MYH1: variants seen among roughly 807,000 people sequenced by gnomAD.
The protein encoded by MYH1 is myosin heavy chain 1.
MYH1 carries 214 observed loss-of-function variants against 225.6 expected under a neutral mutation model. The observed-to-expected ratio is 0.95, with a 90% CI of 0.85 to 1.06. The LOEUF (loss-of-function observed/expected upper bound fraction) is 1.06, where lower values mean the gene tolerates loss of function less well. Among genes scored for constraint, MYH1 ranks in the 50% least tolerant of loss-of-function variants. MYH1 has a pLI of 0.00. For missense variants in MYH1, 2,098 were observed against 2,344.2 expected, an observed-to-expected ratio of 0.89 and a Z score of 2.17; for synonymous variants, 774 against 842.3, an observed-to-expected ratio of 0.92 and a Z score of 1.40.
intron 10 of MYH1, 30 bp downstream of exon 10, chr17:10,512,837 C>T: frequency 1.2e-6 from 2 of 1,606,634 alleles, no homozygotes; most frequent in Non-Finnish European, 1.7e-6. Flanking sequence ...AGTACAGTGA[C>T]AATCTTCTAG....
In MYH1 at chr17:10,505,835, G is replaced by A; in HGVS notation, c.2151C>T (p.Ile717=). Residue 717 remains isoleucine (I), a synonymous_variant, in exon 19 of 40, where the codon ATC becomes ATT. Coordinates refer to ENST00000226207, the MANE Select transcript of MYH1 (RefSeq NM_005963.4). ...ACCTCTGTTTGAAGTCTGCATAAAG[G>A]ATTCTGCTTGGGAAGCCTTTCCTGC... ...RICRKGFPSR[I]LYADFKQRYK... is the part of the protein sequence containing the mutation. 6.2e-7 allele frequency: 1 copy of A among 1,613,982 alleles called. No individual in the cohort carries two copies. Among genetic ancestry groups the A allele is most frequent in the South Asian group, 1.1e-5 (1 of 91,066 alleles).
Position 10,496,016 on chromosome 17 carries a change from C to T in MYH1, c.5103G>A (p.Arg1701=), listed in dbSNP as rs780190091. 2.5e-6 allele frequency: 4 copies of T among 1,614,104 alleles called. No individual in the cohort carries two copies. The highest frequency in any genetic ancestry group is 1.6e-4 in the Middle Eastern group (1 of 6,062). The change falls in exon 35 of 40, where the codon AGG becomes AGA. Residue 1701 remains arginine (R), a synonymous_variant. Coordinates refer to ENST00000226207, the MANE Select transcript of MYH1 (RefSeq NM_005963.4). ...ELRATLEQTE[R]SRKIAEQELL... is the part of the protein sequence containing the mutation. The stretch of plus-strand genomic sequence containing the variant: ...GCTCCTGTTCTGCGATTTTCCTGCT[C>T]CTCTCTGTCTGTTCCAGAGTGGCCC...
intron 37 of MYH1, 90 bp from the exon 38 acceptor site, chr17:10,494,763 T>C: frequency 3.8e-6 from 6 of 1,586,688 alleles, no homozygotes; most frequent in East Asian, 2.2e-5. Context: ...CTGCTTTATA[T>C]GTAGTTTTTA....
chr17:10,509,840 C>T (rs1226642230), intron 14 of MYH1, among the ~76,000 whole-genome samples, 185 bp from the exon 15 acceptor site: 2 of 152,096 alleles, frequency 1.3e-5, no homozygotes, highest in East Asian at 3.8e-4. Flanking sequence ...CAACACCTGT[C>T]AACAAGCTCT....
Position 10,516,423 on chromosome 17 carries a change from A to G in MYH1, c.204+16T>C, listed in dbSNP as rs749521140. The stretch of plus-strand genomic sequence containing the variant: ...AATGAGGCAGAGTCTAATCAGCTCC[A>G]GGTGTTTTTACTCACAGCTCCAGCT... On this transcript the variant is annotated intron_variant, in intron 3 of 39. Coordinates refer to ENST00000226207, the MANE Select transcript of MYH1 (RefSeq NM_005963.4). The G allele has an allele frequency of 1.2e-6, 2 of 1,614,120 alleles. No individual in the cohort carries two copies.
chr17:10,495,408 A>G, intron 35 of MYH1, 91 bp from the exon 36 acceptor site: 1 of 1,443,322 alleles, frequency 6.9e-7, no homozygotes, highest in South Asian at 1.3e-5. Flanking sequence ...TAATTAACTA[A>G]ATGAATTCAT....
chr17:10,504,870 C>T lies in MYH1; in HGVS notation c.2631G>A (p.Leu877=). 6.2e-7 allele frequency: 1 copy of T among 1,613,994 alleles called. No individual in the cohort carries two copies. Among genetic ancestry groups the T allele is most frequent in the East Asian group, 2.2e-5 (1 of 44,882 alleles). ...GCATCAGAGTAACCATTTTTTCTTCCAGCTCTTTCCTTTTTGCCTCGGTCT... is the reference window on the plus strand; with the variant it reads ...GCATCAGAGTAACCATTTTTTCTTCTAGCTCTTTCCTTTTTGCCTCGGTCT... ...LAKTEAKRKE[L]EEKMVTLMQE... The change falls in exon 22 of 40, where the codon CTG becomes CTA. Residue 877 remains leucine, a synonymous_variant. Coordinates refer to ENST00000226207, the MANE Select transcript of MYH1 (RefSeq NM_005963.4).
intron 15 of MYH1, among the ~76,000 whole-genome samples, chr17:10,508,959 T>A (rs1161496826): frequency 6.6e-6 from 1 of 152,196 alleles, no homozygotes; most frequent in Non-Finnish European, 1.5e-5. Flanking sequence ...GCAATATTTC[T>A]CCAAGTGTGA....
At chr17:10,502,036 T>C in intron 24 of MYH1, 125 bp from the exon 25 acceptor site, 2 of 967,678 alleles carry the variant, frequency 2.1e-6, no homozygotes, top group Non-Finnish European at 3.0e-6. Flanking sequence ...ATTTGTCCCA[T>C]TGATTCCATT....
chr17:10,512,411 C>T lies in MYH1; in HGVS notation c.1144G>A (p.Glu382Lys). The T allele has an allele frequency of 1.9e-6, 3 of 1,614,108 alleles. No homozygotes were observed. Among genetic ancestry groups the T allele is most frequent in the Non-Finnish European group, 2.5e-6 (3 of 1,179,998 alleles). ...REEQAEPDGT[E>K]VADKAAYLQN... ...CAGATGGAGATTCATTTGGTACCTT[C>T]AGTGCCATCTGGCTCAGCTTGCTCC... The change falls in exon 12 of 40, where the codon GAA becomes AAA. Residue 382 changes from glutamate (E) to lysine (K), a missense_variant. By Grantham distance (56) the Glu-to-Lys change is moderately conservative. Coordinates refer to ENST00000226207, the MANE Select transcript of MYH1 (RefSeq NM_005963.4).
At chr17:10,508,018 GT>G (rs571060607) in intron 16 of MYH1, 62 bp from the exon 17 acceptor site, 28 of 1,172,248 alleles carry the variant, frequency 2.4e-5, no homozygotes, top group Non-Finnish European at 2.9e-5. Context: ...TTTTTTTTTT[GT>G]TTTTTTTTGT....
In MYH1 at chr17:10,497,168, C is replaced by G. The variant is rs1597435074; in HGVS notation, c.4557G>C (p.Gln1519His). 6.2e-7 allele frequency: 1 copy of G among 1,613,972 alleles called. No homozygotes were observed. The highest frequency in any genetic ancestry group is 8.5e-7 in the Non-Finnish European group (1 of 1,179,996). ...LQQEISDLTE[Q>H]IAEGGKRIHE... ...GGATGCGCTTTCCTCCTTCTGCAAT[C>G]TGTTCAGTGAGATCAGAAATCTCCT... The change falls in exon 33 of 40, where the codon CAG (glutamine) becomes CAC (histidine). Residue 1519 changes from glutamine (Q) to histidine (H), a missense_variant. Physicochemically the swap from Gln to His is conservative, Grantham distance 24 (BLOSUM62 0). Coordinates refer to ENST00000226207, the MANE Select transcript of MYH1 (RefSeq NM_005963.4).
At position 10,506,033 on chromosome 17, in the gene MYH1, G is replaced by T. The variant is rs2073108916; in HGVS notation, c.2035C>A (p.Pro679Thr). The T allele has an allele frequency of 1.2e-6, 2 of 1,614,004 alleles. No individual in the cohort carries two copies. The highest frequency in any genetic ancestry group is 8.5e-7 in the Non-Finnish European group (1 of 1,180,038). Residue 679 changes from proline (P) to threonine (T), a missense_variant, in exon 18 of 40, where the codon CCC becomes ACC. Pro to Thr is a conservative substitution (Grantham distance 38). Transcript: ENST00000226207. ...TTACCAGGAGTTTTAGTTTCATTGG[G>T]GATGATGCACCGCACAAAGTGGGGG... ...THPHFVRCII[P>T]NETKTPGAME...
intron 27 of MYH1, 90 bp from the exon 28 acceptor site, chr17:10,500,842 T>C (rs2073046575): frequency 6.5e-7 from 1 of 1,543,790 alleles, no homozygotes. Context: ...TGAGCTGCAG[T>C]ACTCATTTAT....
rs143844924 is a variant in MYH1, at chr17:10,516,339, C to T, written c.208G>A (p.Val70Ile). ...AAGACTTGGTCATCTTTCACTGTTA[C>T]AGTCTGTCCAGTCAAACAAGAGAGG... ...VTAKTEAGAT[V>I]TVKDDQVFPM... Residue 70 changes from valine to isoleucine, a missense_variant, in exon 4 of 40, where the codon GTA (valine) becomes ATA (isoleucine). Transcript: ENST00000226207. 407 of 1,614,130 alleles carry T rather than the reference C, an allele frequency of 2.5e-4. No homozygotes were observed. The African/African-American group carries it at 4.7e-3, about 19-fold the overall frequency.
At chr17:10,500,531 T>C (rs2073041584) in intron 28 of MYH1, 95 bp downstream of exon 28, 1 of 1,567,952 alleles carries the variant, frequency 6.4e-7, no homozygotes, top group South Asian at 1.2e-5. Context: ...AGGGAGGTAG[T>C]ATATGACCTC....
rs780442167 is a variant in MYH1 at position 10,509,629 on chromosome 17, G to T, written c.1443C>A (p.Ile481=). 2 of 1,614,212 alleles carry T rather than the reference G, an allele frequency of 1.2e-6. No individual in the cohort carries two copies. Among genetic ancestry groups the T allele is most frequent in the South Asian group, 1.1e-5 (1 of 91,076 alleles). Residue 481 remains isoleucine, a synonymous_variant, in exon 15 of 40, where the codon ATC becomes ATA. Transcript: ENST00000226207. The part of the protein sequence containing the change: ...FDFNSLEQLC[I]NFTNEKLQQF... Reference sequence around the variant, plus strand: ...GTTGCAGTTTCTCATTGGTGAAGTTGATGCACAGCTGCTCCAGGCTGTTGA... The same window carrying T: ...GTTGCAGTTTCTCATTGGTGAAGTTTATGCACAGCTGCTCCAGGCTGTTGA...
chr17:10,503,861 A>G (rs2073081928), intron 22 of MYH1, among the ~76,000 whole-genome samples: 1 of 152,248 alleles, frequency 6.6e-6, no homozygotes. Context: ...GTTTTATAAT[A>G]CTATCCTCAA....
rs1346318399 is a variant in MYH1, at chr17:10,508,401, A to G, written c.1859T>C (p.Leu620Pro). Residue 620 changes from leucine to proline, a missense_variant, in exon 16 of 40, where the codon CTG (leucine) becomes CCG (proline). Transcript: ENST00000226207. ...CGTTGCCCCAACAAAGAGGAGAGCC[A>G]GAGTCTTCATTGCAGACTTCTGGTA... ...GLYQKSAMKT[L>P]ALLFVGATGA... The G allele has an allele frequency of 6.2e-7, 1 of 1,612,664 alleles. No homozygotes were observed. The highest frequency in any genetic ancestry group is 1.3e-5 in the African/African-American group (1 of 74,872).
Sources: allele counts gnomAD v4.1 joint callset (sites outside exome capture counted in the v4.1 genomes callset), GRCh38; gene constraint gnomAD v4.1.1; transcripts MANE v1.5; gene names NCBI Gene and HGNC (gene_info 2026-07-23, HGNC 2026-07-21).